Variants in ITGA6 observed in about 807,000 individuals in gnomAD.
The protein encoded by ITGA6 is integrin subunit alpha 6.
A neutral mutation model predicts 133.6 loss-of-function variants in ITGA6; 63 were observed. The ratio of observed to expected loss-of-function variants is 0.47; its 90% CI spans 0.38 to 0.58. The LOEUF is 0.58. ITGA6 is among the 20% of genes least tolerant of loss of function. The pLI, the probability that ITGA6 is intolerant of heterozygous loss-of-function variation, is 0.00. For missense variants in ITGA6, 1,068 were observed against 1,309.4 expected (o/e 0.82, Z 2.85); for synonymous variants, 434 against 482.0 (o/e 0.90, Z 1.30).
intron 2 of ITGA6, among the ~76,000 whole-genome samples, chr2:172,466,514 G>A (rs183647450): frequency 1.3e-5 from 2 of 152,282 alleles, no homozygotes; most frequent in Admixed American, 1.3e-4. Flanking sequence ...TAGCTACTTA[G>A]GAGGCTGAGG....
chr2:172,439,492 A>C (rs545727046), intron 1 of ITGA6, among the ~76,000 whole-genome samples: 5 of 152,012 alleles, frequency 3.3e-5, no homozygotes, highest in African/African-American at 1.2e-4. Flanking sequence ...TTGAGCATAC[A>C]TTCCCCTGGT....
chr2:172,474,761 G>A (rs1477779418), intron 6 of ITGA6, among the ~76,000 whole-genome samples, 168 bp from the exon 7 acceptor site: 1 of 152,092 alleles, frequency 6.6e-6, no homozygotes, highest in Non-Finnish European at 1.5e-5. Flanking sequence ...TTTTTCTTGG[G>A]GCGTTTATTA....
intron 13 of ITGA6, 58 bp from the exon 14 acceptor site, chr2:172,486,965 C>T (rs1384372483): frequency 2.2e-6 from 2 of 903,614 alleles, no homozygotes; most frequent in African/African-American, 1.6e-5. Flanking sequence ...TCACCTACAT[C>T]GATGCCTTCC....
chr2:172,504,117 C>T lies in ITGA6; in HGVS notation c.*49C>T, dbSNP rs377166246. ...GTGGATTCTTTAAACGCTCTAGGTA[C>T]GATGACAGTGTTCCCCGATACCATG... On this transcript the variant is annotated 3_prime_UTR_variant, in exon 26 of 26. Transcript: ENST00000684293. 6.1e-5 allele frequency: 98 copies of T among 1,598,184 alleles called. No homozygotes were observed. The African/African-American group carries it at 9.2e-4, about 15-fold the overall frequency.
Position 172,506,425 on chromosome 2 carries a change from T to G in ITGA6, c.*2357T>G, listed in dbSNP as rs946680634. Reference sequence around the variant, plus strand: ...GTCTTTCATTTTCCTTCTTTATGATTAAAAGAAACCTACAGGTATTTAACA... The same window carrying G: ...GTCTTTCATTTTCCTTCTTTATGATGAAAAGAAACCTACAGGTATTTAACA... On this transcript the variant is annotated 3_prime_UTR_variant, in exon 26 of 26. Transcript: ENST00000684293. 1.3e-5 allele frequency: 2 copies of G among 152,158 alleles called. No individual in the cohort carries two copies. The highest frequency in any genetic ancestry group is 2.9e-5 in the Non-Finnish European group (2 of 68,020). The allele number at this position is 152,158 out of a possible 1,614,324, so 9.4% of individuals were successfully genotyped here.
chr2:172,490,778 T>C, intron 20 of ITGA6: 2 of 432,166 alleles, frequency 4.6e-6, no homozygotes, highest in South Asian at 2.2e-5. Context: ...CATATTTCTC[T>C]TTCTCTGAGT....
Position 172,506,136 on chromosome 2 carries a change from T to C in ITGA6, c.*2068T>C, listed in dbSNP as rs1010421629. 1 of 152,638 alleles carries C rather than the reference T, an allele frequency of 6.6e-6. No individual in the cohort carries two copies. Among genetic ancestry groups the C allele is most frequent in the African/African-American group, 2.4e-5 (1 of 41,446 alleles). 9.5% of individuals were successfully genotyped at this position (152,638 alleles called of 1,614,324 possible). A position where few individuals can be genotyped will look rare whatever the true frequency, so the allele number is the denominator to read the frequency against. On this transcript the variant is annotated 3_prime_UTR_variant, in exon 26 of 26. Coordinates refer to ENST00000684293, the MANE Select transcript of ITGA6 (RefSeq NM_000210.4). ...CTAGCATTGTAAAATTATTTCATGA[T>C]TAGAAATTACCTGTGGATATTTGTA...
At chr2:172,502,528 T>C (rs1304709337) in intron 25 of ITGA6, among the ~76,000 whole-genome samples, 1 of 152,234 alleles carries the variant, frequency 6.6e-6, no homozygotes, top group African/African-American at 2.4e-5. Flanking sequence ...TCAAAGACCA[T>C]TACAACAAAC....
intron 9 of ITGA6, among the ~76,000 whole-genome samples, chr2:172,478,711 G>C (rs981266928): frequency 7.2e-5 from 11 of 152,220 alleles, no homozygotes; most frequent in African/African-American, 2.7e-4. Flanking sequence ...ATGGGAAGAA[G>C]TTTAAAAGTT....
intron 23 of ITGA6, among the ~76,000 whole-genome samples, chr2:172,497,715 T>C (rs984264166): frequency 1.3e-5 from 2 of 152,204 alleles, no homozygotes; most frequent in African/African-American, 4.8e-5. Flanking sequence ...ACAAATTTTT[T>C]TTAAGATACA....
Position 172,487,537 on chromosome 2 carries a change from T to C in ITGA6, c.2161-10T>C, listed in dbSNP as rs768157248. The C allele has an allele frequency of 3.1e-6, 5 of 1,613,920 alleles. No homozygotes were observed. Among genetic ancestry groups the C allele is most frequent in the Non-Finnish European group, 1.7e-6 (2 of 1,179,876 alleles). The stretch of plus-strand genomic sequence containing the variant: ...AGTGGATTGTGACCTAGCGTGTGTT[T>C]CTTTTACAGGAGAAACAGTTGAGTT... On this transcript the variant is annotated splice_polypyrimidine_tract_variant and intron_variant, in intron 15 of 25. Transcript: ENST00000684293.
chr2:172,491,505 G>A lies in ITGA6; in HGVS notation c.2970G>A (p.Leu990=), dbSNP rs1187465121. Residue 990 remains leucine (L), a synonymous_variant, in exon 23 of 26, where the codon CTG becomes CTA. Transcript: ENST00000684293. This position sits in a 1 kb window ranked among gnomAD's most constrained non-coding sequence, Gnocchi z 4.4. ...DVTAAAENIR[L]PNAGTQVRVT... ...CTGCTGCTGCCGAAAATATCAGGCT[G>A]CCAAATGCAGGCACTCAGGTGAGAG... 3 of 1,612,586 alleles carry A rather than the reference G, an allele frequency of 1.9e-6. No homozygotes were observed. Among genetic ancestry groups the A allele is most frequent in the Non-Finnish European group, 2.5e-6 (3 of 1,179,068 alleles).
At chr2:172,500,786 A>G (rs949527544) in intron 24 of ITGA6, among the ~76,000 whole-genome samples, 1 of 152,224 alleles carries the variant, frequency 6.6e-6, no homozygotes, top group Non-Finnish European at 1.5e-5. Context: ...AGCATCCAGT[A>G]TGGTAGCCAT....
rs192295594 is a variant in ITGA6, at chr2:172,479,549, C to T, written c.1389-92C>T. Reference sequence around the variant, plus strand: ...TTTTTTCCTGTGTTTTTAAGCTGTGCTGGGCAGCTAAGGATGCTCTCTAGT... The same window carrying T: ...TTTTTTCCTGTGTTTTTAAGCTGTGTTGGGCAGCTAAGGATGCTCTCTAGT... On this transcript the variant is annotated intron_variant, in intron 9 of 25. Transcript: ENST00000684293. 6.4e-5 allele frequency: 65 copies of T among 1,015,306 alleles called. No individual in the cohort carries two copies. The Admixed American group carries it at 9.1e-4, about 14-fold the overall frequency. The allele number at this position is 1,015,306 out of a possible 1,614,324, so 62.9% of individuals were successfully genotyped here. A position where few individuals can be genotyped will look rare whatever the true frequency, so the allele number is the denominator to read the frequency against.
rs1163187056 is a variant in ITGA6, at chr2:172,506,187, A to T, written c.*2119A>T. ...TAAAAGTGTGAAATAAATTTTTTAT[A>T]AAAGTGTTCATTGTTTCGTAACACA... On this transcript the variant is annotated 3_prime_UTR_variant, in exon 26 of 26. Transcript: ENST00000684293. 6.6e-6 allele frequency: 1 copy of T among 152,612 alleles called. No homozygotes were observed. The highest frequency in any genetic ancestry group is 1.5e-5 in the Non-Finnish European group (1 of 68,020). The allele number at this position is 152,612 out of a possible 1,614,324, so 9.5% of individuals were successfully genotyped here.
intron 8 of ITGA6, 83 bp downstream of exon 8, chr2:172,475,768 A>C: frequency 1.2e-6 from 1 of 805,606 alleles, no homozygotes; most frequent in Non-Finnish European, 2.2e-6. Flanking sequence ...GTGACTTTTC[A>C]CACAAATCTT....
chr2:172,494,991 T>A (rs1687071785), intron 23 of ITGA6, among the ~76,000 whole-genome samples: 2 of 152,202 alleles, frequency 1.3e-5, no homozygotes, highest in Non-Finnish European at 2.9e-5. Flanking sequence ...AAGATACGGA[T>A]CCTTTTATAA....
At chr2:172,485,292 A>C in intron 13 of ITGA6, 28 bp downstream of exon 13, 4 of 1,611,342 alleles carry the variant, frequency 2.5e-6, no homozygotes, top group Non-Finnish European at 2.5e-6. Context: ...TCATTTTGCC[A>C]AAGTTTTTTT....
intron 4 of ITGA6, 57 bp downstream of exon 4, chr2:172,469,437 A>ATTTAGTACCATGAT: frequency 6.7e-7 from 1 of 1,490,602 alleles, no homozygotes; most frequent in South Asian, 1.2e-5. Context: ...CTGTAATATG[A>ATTTAGTACCATGAT]TTTAGTACAT....
Sources: allele counts gnomAD v4.1 joint callset (sites outside exome capture counted in the v4.1 genomes callset), GRCh38; gene constraint gnomAD v4.1.1; non-coding constraint Gnocchi (gnomAD v3.1); transcripts MANE v1.5; gene names NCBI Gene and HGNC (gene_info 2026-07-23, HGNC 2026-07-21).